The following PLXNA2 variants were observed in gnomAD, a reference collection of about 807,000 sequenced individuals.
PLXNA2 encodes the protein plexin A2.
PLXNA2 carries 91 observed loss-of-function variants against 193.5 expected under a neutral mutation model. That is an observed-to-expected ratio of 0.47 (90% CI 0.40 to 0.56). The LOEUF (loss-of-function observed/expected upper bound fraction) is 0.56. Among genes scored for constraint, PLXNA2 ranks in the 20% least tolerant of loss-of-function variants. PLXNA2 has a pLI of 0.00. For synonymous variants in PLXNA2, 997 were observed against 1,027.3 expected (o/e 0.97, Z 0.56); for missense variants, 1,995 against 2,503.2 (o/e 0.80, Z 4.33).
In PLXNA2 at chr1:208,084,544, T is replaced by G; in HGVS notation, c.2134A>C (p.Ile712Leu). Residue 712 changes from isoleucine to leucine, a missense_variant, in exon 10 of 32, where the codon ATT (isoleucine) becomes CTT (leucine). Ile to Leu is a conservative substitution (Grantham distance 5, BLOSUM62 2). Transcript: ENST00000367033. ...PQLVPTEEIL[I>L]PVGEVKPITL... ...ATTGGCTTTACCTCCCCGACTGGAA[T>G]CAAGATCTCCTCTGTGGGCACCAGC... 1 of 1,614,208 alleles carries G rather than the reference T, an allele frequency of 6.2e-7. No homozygotes were observed. The highest frequency in any genetic ancestry group is 8.5e-7 in the Non-Finnish European group (1 of 1,180,034).
intron 3 of PLXNA2, among the ~76,000 whole-genome samples, chr1:208,207,606 C>T (rs1381780054): frequency 6.6e-6 from 1 of 152,210 alleles, no homozygotes; most frequent in Non-Finnish European, 1.5e-5. Context: ...CCCGGCTTCC[C>T]TTCCCTTTCC....
intron 12 of PLXNA2, among the ~76,000 whole-genome samples, chr1:208,076,881 G>T (rs75248611): frequency 0.012 from 1,774 of 152,274 alleles, 81 homozygotes; most frequent in East Asian, 0.1. Flanking sequence ...CTGTGGTTAT[G>T]TAAGATGTTA....
intron 3 of PLXNA2, among the ~76,000 whole-genome samples, chr1:208,143,654 A>G (rs1004791021): frequency 6.6e-6 from 1 of 151,856 alleles, no homozygotes; most frequent in Non-Finnish European, 1.5e-5. Flanking sequence ...GCCCATCTCT[A>G]GCTCAAGCCC....
At chr1:208,159,548 A>G (rs1626753) in intron 3 of PLXNA2, among the ~76,000 whole-genome samples, 116,663 of 151,642 alleles carry the variant, frequency 0.77, 45,710 homozygotes, top group Middle Eastern at 0.88. Flanking sequence ...TTGGAGTCAG[A>G]GGAGACTGGG....
intron 2 of PLXNA2, among the ~76,000 whole-genome samples, chr1:208,213,015 C>G (rs1273897723): frequency 6.6e-6 from 1 of 152,194 alleles, no homozygotes; most frequent in Non-Finnish European, 1.5e-5. Context: ...GCTTCCATTT[C>G]TTTCCCACTT....
At position 208,028,291 on chromosome 1, in the gene PLXNA2, G is replaced by T; in HGVS notation, c.5439-132C>A. On this transcript the variant is annotated intron_variant, in intron 30 of 31. Coordinates refer to ENST00000367033, the MANE Select transcript of PLXNA2 (RefSeq NM_025179.4). This position sits in a 1 kb window ranked among gnomAD's most constrained non-coding sequence, Gnocchi z 4.2. The stretch of plus-strand genomic sequence containing the variant: ...GCCTCCCTATTTCTCTTCTGATGTG[G>T]CTTCCTCTGGCCTCTTGCTTCATGC... The T allele has an allele frequency of 1.3e-6, 1 of 755,826 alleles. No individual in the cohort carries two copies. The highest frequency in any genetic ancestry group is 2.1e-6 in the Non-Finnish European group (1 of 482,190). 46.8% of individuals were successfully genotyped at this position (755,826 alleles called of 1,614,324 possible).
chr1:208,198,024 C>T lies in PLXNA2; in HGVS notation c.1371+12256G>A, dbSNP rs182854032. Among the ~76,000 whole-genome samples, 59 of 152,302 alleles carry T rather than the reference C, an allele frequency of 3.9e-4. 2 individuals carry two copies. The highest frequency in any genetic ancestry group is 4.8e-4 in the African/African-American group (20 of 41,560). ...GCCATTTTCTATCAAGAAAAAGACA[C>T]GCCACATCGGAGTGCTTAGCTCAGG... On this transcript the variant is annotated intron_variant, in intron 3 of 31. Transcript: ENST00000367033.
chr1:208,176,102 CAAGT>C (rs1204764940), intron 3 of PLXNA2, among the ~76,000 whole-genome samples: 1 of 152,166 alleles, frequency 6.6e-6, no homozygotes, highest in African/African-American at 2.4e-5. Flanking sequence ...GTGAAATAAA[CAAGT>C]AAGGAATTGT....
intron 1 of PLXNA2, among the ~76,000 whole-genome samples, chr1:208,227,362 A>G (rs1572055291): frequency 6.6e-6 from 1 of 152,186 alleles, no homozygotes; most frequent in East Asian, 1.9e-4. Context: ...GAGCATGACT[A>G]TCCCCATTTC....
At chr1:208,071,399 A>G (rs959824097) in intron 12 of PLXNA2, among the ~76,000 whole-genome samples, 1 of 152,246 alleles carries the variant, frequency 6.6e-6, no homozygotes, top group Non-Finnish European at 1.5e-5. Context: ...TTGACTTTAC[A>G]GGGCAGTGAT....
chr1:208,105,012 C>T (rs1347304206), intron 4 of PLXNA2, among the ~76,000 whole-genome samples: 6 of 152,084 alleles, frequency 3.9e-5, no homozygotes, highest in South Asian at 4.1e-4. Context: ...GAGGTGATAA[C>T]GAAAGAAGCT....
intron 3 of PLXNA2, among the ~76,000 whole-genome samples, chr1:208,182,661 GT>G (rs763980836): frequency 6.6e-6 from 1 of 151,756 alleles, no homozygotes; most frequent in African/African-American, 2.4e-5. Context: ...CACTCTGCTT[GT>G]TTGTAGCAAA....
At chr1:208,192,966 A>G (rs1408711261) in intron 3 of PLXNA2, among the ~76,000 whole-genome samples, 1 of 151,962 alleles carries the variant, frequency 6.6e-6, no homozygotes, top group African/African-American at 2.4e-5. Context: ...CAACTTTGAG[A>G]ATCTAATGTA....
At chr1:208,120,538 C>T (rs1304767100) in intron 4 of PLXNA2, among the ~76,000 whole-genome samples, 1 of 152,252 alleles carries the variant, frequency 6.6e-6, no homozygotes, top group Non-Finnish European at 1.5e-5. Flanking sequence ...AGGACTACCA[C>T]TTGCCAATGC....
chr1:208,108,507 A>T (rs1347495847), intron 4 of PLXNA2, among the ~76,000 whole-genome samples: 2 of 152,172 alleles, frequency 1.3e-5, no homozygotes, highest in Non-Finnish European at 2.9e-5. Flanking sequence ...ACAGAGAATC[A>T]ACACTGCATC....
At position 208,092,778 on chromosome 1, in the gene PLXNA2, C is replaced by T; in HGVS notation, c.2097+8G>A. 1 of 1,590,300 alleles carries T rather than the reference C, an allele frequency of 6.3e-7. No individual in the cohort carries two copies. On this transcript the variant is annotated splice_region_variant and intron_variant, in intron 9 of 31. Coordinates refer to ENST00000367033, the MANE Select transcript of PLXNA2 (RefSeq NM_025179.4). ...GAACACTGCCATGTTAGGGTAAGCCCTTCTTACCTCTGAAATATTGATCCG... is the reference window on the plus strand; with the variant it reads ...GAACACTGCCATGTTAGGGTAAGCCTTTCTTACCTCTGAAATATTGATCCG...
At chr1:208,029,413 G>A in intron 29 of PLXNA2, 1 of 1,060,780 alleles carries the variant, frequency 9.4e-7, no homozygotes, top group Non-Finnish European at 1.1e-6. Context: ...GGCTCCTGGA[G>A]TCCCTTCACA....
intron 3 of PLXNA2, among the ~76,000 whole-genome samples, chr1:208,155,415 G>A (rs1480923108): frequency 2.0e-5 from 3 of 152,150 alleles, no homozygotes; most frequent in Non-Finnish European, 4.4e-5. Context: ...GCTGAAAGGA[G>A]CTATAGCCTG....
chr1:208,065,578 GTT>G (rs1170609221), intron 12 of PLXNA2, among the ~76,000 whole-genome samples: 1 of 152,192 alleles, frequency 6.6e-6, no homozygotes, highest in Non-Finnish European at 1.5e-5. Flanking sequence ...AACATGGGAT[GTT>G]AGAATTGGCA....
Sources: allele counts gnomAD v4.1 joint callset (sites outside exome capture counted in the v4.1 genomes callset), GRCh38; gene constraint gnomAD v4.1.1; non-coding constraint Gnocchi (gnomAD v3.1); transcripts MANE v1.5; gene names NCBI Gene and HGNC (gene_info 2026-07-23, HGNC 2026-07-21).